The following ADCY4 variants were observed in gnomAD, a reference collection of about 807,000 sequenced individuals.
ADCY4 encodes the protein adenylate cyclase 4, also known as adenylate cyclase type 4.
A neutral mutation model predicts 125.5 loss-of-function variants in ADCY4; 111 were observed. The observed-to-expected ratio is 0.88, with a 90% CI of 0.76 to 1.04. The LOEUF (loss-of-function observed/expected upper bound fraction) is 1.04. ADCY4 is among the 50% of genes least tolerant of loss of function. The pLI is 0.00. For synonymous variants in ADCY4, 576 were observed against 586.9 expected (o/e 0.98, Z 0.27); for missense variants, 1,256 against 1,382.9 (o/e 0.91, Z 1.46).
At chr14:24,334,405 G>T in intron 1 of ADCY4, 89 bp downstream of exon 1, 1 of 1,455,020 alleles carries the variant, frequency 6.9e-7, no homozygotes, top group Non-Finnish European at 9.0e-7. Context: ...TCCCAGCAAC[G>T]AAAACACATC....
In ADCY4 at chr14:24,333,024, GGGA is replaced by G. The variant is rs762357203; in HGVS notation, c.160-39_160-37del. The G allele has an allele frequency of 2.7e-6, 4 of 1,494,958 alleles. No individual in the cohort carries two copies. The South Asian group carries it at 5.7e-5, about 21-fold the overall frequency. 92.6% of individuals were successfully genotyped at this position (1,494,958 alleles called of 1,614,324 possible). A position where few individuals can be genotyped will look rare whatever the true frequency, so the allele number is the denominator to read the frequency against. On this transcript the variant is annotated intron_variant, in intron 1 of 24. Coordinates refer to ENST00000418030, the MANE Select transcript of ADCY4 (RefSeq NM_001198568.2). ...GGGTGTGTGAGGCAAGATTGTGACA[GGGA>G]GAAGGAACGAACCTGATAAAGGAAA...
In ADCY4 at chr14:24,334,509, G is replaced by T; in HGVS notation, c.144C>A (p.Ala48=). 1 of 1,581,188 alleles carries T rather than the reference G, an allele frequency of 6.3e-7. No homozygotes were observed. The change falls in exon 1 of 25, where the codon GCC becomes GCA. Residue 48 remains alanine (A), a synonymous_variant. Transcript: ENST00000418030. ...CTCGGCTCACCCTGCCGCTGGCCCA[G>T]GCCACTGCGAGCAGCGCCGCGAGCG... ...LCALAALLAV[A]WASGRELTSD... is the part of the protein sequence containing the mutation.
Position 24,332,639 on chromosome 14 carries a change from C to A in ADCY4, c.402G>T (p.Leu134=). 6.3e-7 allele frequency: 1 copy of A among 1,586,512 alleles called. No homozygotes were observed. The highest frequency in any genetic ancestry group is 8.6e-7 in the Non-Finnish European group (1 of 1,166,656). The change falls in exon 3 of 25, where the codon CTG becomes CTT. Residue 134 remains leucine, a synonymous_variant. Coordinates refer to ENST00000418030, the MANE Select transcript of ADCY4 (RefSeq NM_001198568.2). ...LFVIFTAYAM[L]PLGMRDAAVA... is the part of the protein sequence containing the mutation. ...CGGCGGCGTCCCGCATGCCCAAGGG[C>A]AGCATGGCATACGCCGTGAAGATGA...
In ADCY4 at chr14:24,318,461, G is replaced by A. The variant is rs758981664; in HGVS notation, c.3189C>T (p.Asn1063=). Residue 1063 remains asparagine (N), a synonymous_variant, in exon 25 of 25, where the codon AAC becomes AAT. Transcript: ENST00000418030. ...GKGQLCTYFL[N]TDLTRTGPPS... is the part of the protein sequence containing the mutation. ...GAGGTCCAGTTCGTGTCAAGTCTGTGTTCAGGAAGTAGGTGCAGAGCTGCC... is the reference window on the plus strand; with the variant it reads ...GAGGTCCAGTTCGTGTCAAGTCTGTATTCAGGAAGTAGGTGCAGAGCTGCC... 5 of 1,614,212 alleles carry A rather than the reference G, an allele frequency of 3.1e-6. No individual in the cohort carries two copies. Among genetic ancestry groups the A allele is most frequent in the Non-Finnish European group, 4.2e-6 (5 of 1,180,034 alleles).
Position 24,322,676 on chromosome 14 carries a change from C to A in ADCY4, c.2375G>T (p.Gly792Val), listed in dbSNP as rs1445286641. The part of the protein sequence containing the change: ...PGVLKEPKLM[G>V]AISFFIFFFT... The stretch of plus-strand genomic sequence containing the variant: ...GAAGAAGATGAAGAAGGAGATAGCA[C>A]CCATCAGTTTGGGCTCCTTCAGCAC... The change falls in exon 19 of 25, where the codon GGT becomes GTT. Residue 792 changes from glycine (G) to valine (V), a missense_variant. Coordinates refer to ENST00000418030, the MANE Select transcript of ADCY4 (RefSeq NM_001198568.2). 6.2e-7 allele frequency: 1 copy of A among 1,614,056 alleles called. No individual in the cohort carries two copies. The highest frequency in any genetic ancestry group is 1.7e-5 in the Admixed American group (1 of 60,004).
At chr14:24,323,209 C>T (rs2041883902) in intron 17 of ADCY4, 121 bp from the exon 18 acceptor site, 2 of 1,362,910 alleles carry the variant, frequency 1.5e-6, no homozygotes, top group African/African-American at 2.9e-5. Context: ...GGGCATCATA[C>T]ACACTGATAC....
intron 12 of ADCY4, 39 bp from the exon 13 acceptor site, chr14:24,325,926 A>G: frequency 6.3e-7 from 1 of 1,576,726 alleles, no homozygotes; most frequent in South Asian, 1.1e-5. Context: ...GCACCAGAGA[A>G]CAGAGGGCAC....
In ADCY4 at chr14:24,319,458, G is replaced by T; in HGVS notation, c.2734-22C>A. 6.2e-7 allele frequency: 1 copy of T among 1,608,014 alleles called. No individual in the cohort carries two copies. The highest frequency in any genetic ancestry group is 8.5e-7 in the Non-Finnish European group (1 of 1,174,544). Reference sequence around the variant, plus strand: ...GCAGCTGTATATAGAGAAGAGTCCTGTCCCCAGTCTCTCTTACTCTCTCCA... The same window carrying T: ...GCAGCTGTATATAGAGAAGAGTCCTTTCCCCAGTCTCTCTTACTCTCTCCA... On this transcript the variant is annotated intron_variant, in intron 21 of 24. Coordinates refer to ENST00000418030, the MANE Select transcript of ADCY4 (RefSeq NM_001198568.2). The surrounding 1 kb of genome is among the most constrained non-coding windows in gnomAD (Gnocchi z 4.5).
chr14:24,318,786 G>C lies in ADCY4; in HGVS notation c.2957-8C>G, dbSNP rs1405327209. The C allele has an allele frequency of 6.2e-7, 1 of 1,614,076 alleles. No individual in the cohort carries two copies. Among genetic ancestry groups the C allele is most frequent in the Admixed American group, 1.7e-5 (1 of 60,006 alleles). On this transcript the variant is annotated splice_region_variant and splice_polypyrimidine_tract_variant and intron_variant, in intron 23 of 24. Transcript: ENST00000418030. Reference sequence around the variant, plus strand: ...CGGGTCCATGGTTCAACCCTAATGAGGGATGTGGTAATGACAGACTTGGAG... The same window carrying C: ...CGGGTCCATGGTTCAACCCTAATGACGGATGTGGTAATGACAGACTTGGAG...
Position 24,331,340 on chromosome 14 carries a change from G to C in ADCY4, c.686C>G (p.Ser229Cys). The C allele has an allele frequency of 1.2e-6, 2 of 1,613,994 alleles. No homozygotes were observed. The highest frequency in any genetic ancestry group is 1.7e-6 in the Non-Finnish European group (2 of 1,180,012). ...TCGGGCCAGGTAGGCAGGAAGGATGGACAAGAGAAGGTGTTCCTGGAAGAG... is the reference window on the plus strand; with the variant it reads ...TCGGGCCAGGTAGGCAGGAAGGATGCACAAGAGAAGGTGTTCCTGGAAGAG... ...EKKHQEHLLLSILPAYLAREM... is the reference protein window; with the variant it reads ...EKKHQEHLLLCILPAYLAREM... The change falls in exon 5 of 25, where the codon TCC (serine) becomes TGC (cysteine). Residue 229 changes from serine to cysteine, a missense_variant. By Grantham distance (112) the Ser-to-Cys change is moderately radical (BLOSUM62 -1). Transcript: ENST00000418030.
rs144982205 is a variant in ADCY4, at chr14:24,329,317, A to G, written c.1351-83T>C. On this transcript the variant is annotated intron_variant, in intron 9 of 24. Transcript: ENST00000418030. ...CCCCCCACTAGGACCCAGGAACTCA[A>G]TCTCTGGCACAGAAGAGATCAGGCC... 2.3e-3 allele frequency: 3,578 copies of G among 1,576,298 alleles called. 4 individuals carry two copies. Among genetic ancestry groups the G allele is most frequent in the Middle Eastern group, 7.5e-3 (44 of 5,876 alleles).
At chr14:24,322,436 A>G (rs2041866595) in intron 19 of ADCY4, 188 bp downstream of exon 19, 3 of 858,304 alleles carry the variant, frequency 3.5e-6, no homozygotes, top group Non-Finnish European at 5.3e-6. Context: ...CTTTTTCTAA[A>G]GCATGGGCTT....
In ADCY4 at chr14:24,324,300, A is replaced by G; in HGVS notation, c.1908+7T>C. On this transcript the variant is annotated splice_region_variant and intron_variant, in intron 15 of 24. Coordinates refer to ENST00000418030, the MANE Select transcript of ADCY4 (RefSeq NM_001198568.2). Reference sequence around the variant, plus strand: ...GCATACCACTTCCACCCCTCAGCCCACCTCACCATCAGGTCCTCTGAGAAG... The same window carrying G: ...GCATACCACTTCCACCCCTCAGCCCGCCTCACCATCAGGTCCTCTGAGAAG... The G allele has an allele frequency of 6.2e-7, 1 of 1,614,084 alleles. No homozygotes were observed. The highest frequency in any genetic ancestry group is 8.5e-7 in the Non-Finnish European group (1 of 1,179,946).
At chr14:24,318,617 T>TC in intron 24 of ADCY4, 37 bp downstream of exon 24, 3 of 1,613,932 alleles carry the variant, frequency 1.9e-6, no homozygotes, top group Non-Finnish European at 2.5e-6. Flanking sequence ...CTATTCTTAG[T>TC]CCCCCTCCCC....
At chr14:24,326,201 C>A in intron 11 of ADCY4, 36 bp from the exon 12 acceptor site, 1 of 1,612,016 alleles carries the variant, frequency 6.2e-7, no homozygotes, top group Non-Finnish European at 8.5e-7. Flanking sequence ...ACCACAGAGA[C>A]CCTCAGAGCG....
rs138139545 is a variant in ADCY4 at position 24,327,004 on chromosome 14, C to T, written c.1525-662G>A. On this transcript the variant is annotated intron_variant, in intron 10 of 24. Transcript: ENST00000418030. ...CTCCGCCTTCCAGGTTCAAGCAATT[C>T]TCTTGCCTCAGCCTCCTGAGTAGCT... Among the ~76,000 whole-genome samples, 374 of 146,330 alleles carry T rather than the reference C, an allele frequency of 2.6e-3. 2 individuals carry two copies. The highest frequency in any genetic ancestry group is 4.2e-3 in the South Asian group (19 of 4,496).
rs2042037336 is a variant in ADCY4 at position 24,331,283 on chromosome 14, T to TGCA, written c.740_742dup (p.Leu247dup). ...CTCTGGCCGTGACCCCTGTCCTGCC[T>TGCA]GCAGCCGTGCCATGATCTCTGCCTT... On this transcript the variant is annotated inframe_insertion, in exon 5 of 25. Coordinates refer to ENST00000418030, the MANE Select transcript of ADCY4 (RefSeq NM_001198568.2). 33 of 1,614,060 alleles carry TGCA rather than the reference T, an allele frequency of 2.0e-5. No individual in the cohort carries two copies. The highest frequency in any genetic ancestry group is 2.7e-5 in the Non-Finnish European group (32 of 1,180,032).
At chr14:24,328,044 G>A (rs1465693304) in intron 10 of ADCY4, among the ~76,000 whole-genome samples, 1 of 152,206 alleles carries the variant, frequency 6.6e-6, no homozygotes, top group Non-Finnish European at 1.5e-5. Context: ...GGGACATAGT[G>A]AGAAGTGACC....
intron 10 of ADCY4, among the ~76,000 whole-genome samples, chr14:24,327,236 G>T (rs1307516412): frequency 6.6e-6 from 1 of 152,102 alleles, no homozygotes; most frequent in Non-Finnish European, 1.5e-5. Flanking sequence ...AACTTCAGGG[G>T]CTAAGTGGAT....
Sources: allele counts gnomAD v4.1 joint callset (sites outside exome capture counted in the v4.1 genomes callset), GRCh38; gene constraint gnomAD v4.1.1; non-coding constraint Gnocchi (gnomAD v3.1); transcripts MANE v1.5; gene names NCBI Gene and HGNC (gene_info 2026-07-23, HGNC 2026-07-21).